Variants in FNDC3B observed in about 807,000 individuals in gnomAD.
FNDC3B encodes the protein fibronectin type III domain containing 3B.
In FNDC3B, 12 loss-of-function variants were observed where a neutral mutation model predicts 151.5. The observed-to-expected ratio is 0.08, with a 90% CI of 0.05 to 0.13. FNDC3B has a LOEUF of 0.13. Among genes scored for constraint, FNDC3B ranks in the 10% least tolerant of loss-of-function variants. The probability of loss-of-function intolerance (pLI) is 1.00; values close to 1 mark genes in which losing one functional copy is unlikely to be tolerated. For missense variants in FNDC3B, 1,214 were observed against 1,505.3 expected, an observed-to-expected ratio of 0.81 and a Z score of 3.20; for synonymous variants, 528 against 549.0, an observed-to-expected ratio of 0.96 and a Z score of 0.54.
chr3:172,362,078 C>T (rs1422469259), intron 22 of FNDC3B, among the ~76,000 whole-genome samples: 1 of 152,200 alleles, frequency 6.6e-6, no homozygotes, highest in African/African-American at 2.4e-5. Context: ...TAGCAAACAT[C>T]CAGCTAAGAT....
At chr3:172,116,018 G>A (rs1033676894) in intron 2 of FNDC3B, among the ~76,000 whole-genome samples, 8 of 152,070 alleles carry the variant, frequency 5.3e-5, no homozygotes, top group African/African-American at 1.9e-4. Context: ...TTGCGTTCTG[G>A]CTCTCTAAAT....
intron 23 of FNDC3B, among the ~76,000 whole-genome samples, chr3:172,375,934 A>G (rs961117963): frequency 1.3e-5 from 2 of 152,164 alleles, no homozygotes; most frequent in African/African-American, 4.8e-5. Flanking sequence ...ATTGAACTGT[A>G]AAGCTGAAAT....
intron 11 of FNDC3B, chr3:172,316,309 T>C: frequency 2.4e-6 from 1 of 423,534 alleles, no homozygotes. Flanking sequence ...CCTGCTTCTT[T>C]TCTTGATGAC....
intron 11 of FNDC3B, among the ~76,000 whole-genome samples, chr3:172,326,867 AAGAAAT>A (rs1412226844): frequency 6.6e-6 from 1 of 152,124 alleles, no homozygotes; most frequent in Non-Finnish European, 1.5e-5. Flanking sequence ...AGACCAAATA[AAGAAAT>A]AGGAAAAATG....
chr3:172,284,928 T>C (rs1267589213), intron 6 of FNDC3B, among the ~76,000 whole-genome samples: 1 of 151,796 alleles, frequency 6.6e-6, no homozygotes, highest in Non-Finnish European at 1.5e-5. Context: ...CAAAATTAGA[T>C]TCCATCAAGC....
chr3:172,077,998 T>C (rs1037265564), intron 1 of FNDC3B, among the ~76,000 whole-genome samples: 1 of 152,206 alleles, frequency 6.6e-6, no homozygotes, highest in African/African-American at 2.4e-5. Flanking sequence ...TTATTATTTT[T>C]TGAGATGGAG....
chr3:172,262,077 G>A (rs1028201080), intron 6 of FNDC3B, among the ~76,000 whole-genome samples: 2 of 152,174 alleles, frequency 1.3e-5, no homozygotes, highest in Non-Finnish European at 2.9e-5. Context: ...TGAAATAAAA[G>A]GAAGTGGTAA....
At chr3:172,132,758 A>AT (rs1168448659) in intron 2 of FNDC3B, among the ~76,000 whole-genome samples, 3 of 152,052 alleles carry the variant, frequency 2.0e-5, no homozygotes, top group Admixed American at 6.6e-5. Flanking sequence ...TCAATTAGTG[A>AT]TTTTTTTCCT....
chr3:172,373,265 C>T (rs1734970753), intron 23 of FNDC3B, among the ~76,000 whole-genome samples: 1 of 152,196 alleles, frequency 6.6e-6, no homozygotes, highest in African/African-American at 2.4e-5. Flanking sequence ...TCCTCCCTTC[C>T]CCAGGGTTGA....
chr3:172,093,030 C>G (rs1718918009), intron 1 of FNDC3B, among the ~76,000 whole-genome samples: 1 of 152,074 alleles, frequency 6.6e-6, no homozygotes, highest in Non-Finnish European at 1.5e-5. Context: ...GTTGTCCAGG[C>G]TGGTCTTGAA....
chr3:172,222,835 C>G (rs1349926388), intron 3 of FNDC3B, among the ~76,000 whole-genome samples: 2 of 152,142 alleles, frequency 1.3e-5, no homozygotes, highest in Non-Finnish European at 2.9e-5. Context: ...TTGGGGATCC[C>G]TGGTAGCAGG....
At chr3:172,234,179 C>T (rs957600410) in intron 4 of FNDC3B, among the ~76,000 whole-genome samples, 6 of 152,126 alleles carry the variant, frequency 3.9e-5, no homozygotes, top group Middle Eastern at 6.3e-3. Context: ...TGGGAGGAAA[C>T]GAGGGCCCAA....
Position 172,208,695 on chromosome 3 carries a change from C to T in FNDC3B, c.188-18176C>T, listed in dbSNP as rs539465436. 5.0e-5 allele frequency among the ~76,000 whole-genome samples: 7 copies of T among 140,292 alleles called. No individual in the cohort carries two copies. In the South Asian group the frequency reaches 7.3e-4, roughly 15 times the overall value. The allele number at this position is 140,292 out of a possible 152,430, so 92.0% of individuals were successfully genotyped here. On this transcript the variant is annotated intron_variant, in intron 3 of 25. Coordinates refer to ENST00000415807, the MANE Select transcript of FNDC3B (RefSeq NM_022763.4). ...GCGGCGCCTCTGCTTGAGTTTTGCT[C>T]GTGCCTTCTGGGCTTCTTCTGCCCA...
At chr3:172,197,891 C>T (rs1337193720) in intron 3 of FNDC3B, among the ~76,000 whole-genome samples, 2 of 152,098 alleles carry the variant, frequency 1.3e-5, no homozygotes, top group East Asian at 1.9e-4. Flanking sequence ...CAGTCTTCTC[C>T]GTTGTAGAAG....
At chr3:172,324,667 G>A (rs556359566) in intron 11 of FNDC3B, among the ~76,000 whole-genome samples, 2 of 152,334 alleles carry the variant, frequency 1.3e-5, no homozygotes, top group Non-Finnish European at 2.9e-5. Flanking sequence ...AGTGCACCCT[G>A]AAAATCTGCC....
Position 172,321,103 on chromosome 3 carries a change from T to C in FNDC3B, c.1255-7849T>C, listed in dbSNP as rs192124999. Among the ~76,000 whole-genome samples, 4 of 152,352 alleles carry C rather than the reference T, an allele frequency of 2.6e-5. No individual in the cohort carries two copies. In the East Asian group the frequency reaches 7.7e-4, roughly 29 times the overall value. On this transcript the variant is annotated intron_variant, in intron 11 of 25. Coordinates refer to ENST00000415807, the MANE Select transcript of FNDC3B (RefSeq NM_022763.4). The stretch of plus-strand genomic sequence containing the variant: ...TTTCTTCACTGGAACTCTTGTATGT[T>C]TGTAAACAGATACCCAGAGAGAGAG...
chr3:172,069,405 C>T (rs1001059984), intron 1 of FNDC3B, among the ~76,000 whole-genome samples: 3 of 152,152 alleles, frequency 2.0e-5, no homozygotes, highest in Non-Finnish European at 2.9e-5. Context: ...CACTAAATAT[C>T]TCTATTAATA....
intron 3 of FNDC3B, among the ~76,000 whole-genome samples, chr3:172,161,742 A>G (rs534748994): frequency 1.3e-5 from 2 of 152,300 alleles, no homozygotes; most frequent in South Asian, 4.1e-4. Flanking sequence ...CACCTATTTA[A>G]GCATACAGTT....
At chr3:172,263,332 G>T (rs951529694) in intron 6 of FNDC3B, among the ~76,000 whole-genome samples, 3 of 151,982 alleles carry the variant, frequency 2.0e-5, no homozygotes, top group South Asian at 4.2e-4. Flanking sequence ...GGAACAGTAC[G>T]ATCTTTCAAA....
Sources: allele counts gnomAD v4.1 joint callset (sites outside exome capture counted in the v4.1 genomes callset), GRCh38; gene constraint gnomAD v4.1.1; transcripts MANE v1.5; gene names NCBI Gene and HGNC (gene_info 2026-07-23, HGNC 2026-07-21).